The following MTERF4 variants were observed in gnomAD, a reference collection of about 807,000 sequenced individuals.
MTERF4 encodes transcription termination factor 4, mitochondrial.
MTERF4 carries 17 observed loss-of-function variants against 22.5 expected under a neutral mutation model. The observed-to-expected ratio is 0.75, with a 90% CI of 0.52 to 1.13. The LOEUF (loss-of-function observed/expected upper bound fraction) is 1.13, where lower values mean the gene tolerates loss of function less well. MTERF4 is among the 50% of genes most tolerant of loss of function. The probability of loss-of-function intolerance (pLI) is 0.00; values close to 1 mark genes in which losing one functional copy is unlikely to be tolerated. For missense variants in MTERF4, 420 were observed against 466.8 expected, an observed-to-expected ratio of 0.90 and a Z score of 0.92; for synonymous variants, 165 against 175.3, an observed-to-expected ratio of 0.94 and a Z score of 0.47.
In MTERF4 at chr2:241,073,795, A is replaced by T. The variant is rs1417994576; in HGVS notation, n.2367T>A. ...CTGGGCGAGCCCCAGCTTGAGGACT[A>T]GCTGGGCCCTGTGGACACTCAGGTT... On this transcript the variant is annotated non_coding_transcript_exon_variant, in exon 5 of 5. Coordinates refer to the MTERF4 transcript ENST00000464344. The surrounding 1 kb of genome is among the most constrained non-coding windows in gnomAD (Gnocchi z 6.6). 1.7e-5 allele frequency: 5 copies of T among 296,950 alleles called. No homozygotes were observed. Among genetic ancestry groups the T allele is most frequent in the Non-Finnish European group, 2.5e-5 (4 of 159,172 alleles). 18.4% of individuals were successfully genotyped at this position (296,950 alleles called of 1,614,324 possible).
downstream of MTERF4, chr2:241,071,701 A>T: frequency 4.6e-5 from 59 of 1,281,458 alleles, no homozygotes; most frequent in Non-Finnish European, 6.2e-5. Context: ...CGCCCCCGAG[A>T]CCCCCACCCA....
chr2:241,085,626 A>G (rs1014018332), downstream of MTERF4, among the ~76,000 whole-genome samples: 9 of 152,210 alleles, frequency 5.9e-5, no homozygotes, highest in African/African-American at 1.9e-4. Context: ...TGATTATTCA[A>G]ATGATTCTTG....
downstream of MTERF4, among the ~76,000 whole-genome samples, chr2:241,085,269 G>A (rs896826158): frequency 1.3e-5 from 2 of 152,138 alleles, no homozygotes; most frequent in South Asian, 2.1e-4. Flanking sequence ...TGTCCCACAG[G>A]TCACTGCAGC....
chr2:241,090,560 G>A, downstream of MTERF4: 1 of 1,266,354 alleles, frequency 7.9e-7, no homozygotes, highest in East Asian at 2.6e-5. Context: ...TATACACAGG[G>A]CAGTGCAGTA....
chr2:241,086,172 TG>T (rs2063564736), downstream of MTERF4, among the ~76,000 whole-genome samples: 1 of 152,194 alleles, frequency 6.6e-6, no homozygotes, highest in East Asian at 1.9e-4. Flanking sequence ...TGGCCCTGTC[TG>T]GGGTTTCTAT....
At chr2:241,048,758 G>A in the MTERF4 span, 1 of 1,609,752 alleles carries the variant, frequency 6.2e-7, no homozygotes, top group Non-Finnish European at 8.5e-7. Context: ...GGGCTTCTCT[G>A]TGAATTTGGT....
chr2:241,065,304 T>C, the MTERF4 span: 1 of 1,612,116 alleles, frequency 6.2e-7, no homozygotes, highest in East Asian at 2.2e-5. Flanking sequence ...TGAAGAGCTC[T>C]TCCCACCGAC....
At chr2:241,057,380 A>AATAT in the MTERF4 span, among the ~76,000 whole-genome samples, 5,560 of 117,806 alleles carry the variant, frequency 0.047, 189 homozygotes, top group Admixed American at 0.1. Flanking sequence ...TCCATCTCAA[A>AATAT]ATATATATAT....
downstream of MTERF4, chr2:241,095,060 G>GCCC (rs10573691): frequency 7.6e-4 from 69 of 90,382 alleles, 2 homozygotes; most frequent in South Asian, 1.5e-3. Context: ...AAGGTGACAC[G>GCCC]CCCCCCCCCC....
chr2:241,070,408 A>G (rs2062648719), downstream of MTERF4, among the ~76,000 whole-genome samples: 1 of 152,244 alleles, frequency 6.6e-6, no homozygotes, highest in Admixed American at 6.5e-5. Flanking sequence ...AGGTGGCACC[A>G]ACAACTGGAA....
the MTERF4 span, among the ~76,000 whole-genome samples, chr2:241,056,666 C>T: frequency 6.8e-6 from 1 of 146,916 alleles, no homozygotes; most frequent in Non-Finnish European, 1.5e-5. Flanking sequence ...CTGCAATCTC[C>T]GCCTCCTGGG....
chr2:241,088,663 ACT>A, downstream of MTERF4: 1 of 487,824 alleles, frequency 2.0e-6, no homozygotes, highest in Non-Finnish European at 3.6e-6. Context: ...GGCAAATCCC[ACT>A]CTCTCTCAAG....
At chr2:241,094,727 GAT>G, downstream of MTERF4, 1 of 218,482 alleles carries the variant, frequency 4.6e-6, no homozygotes, top group Non-Finnish European at 9.4e-6. This position sits in a 1 kb window ranked among gnomAD's most constrained non-coding sequence, Gnocchi z 4.3. Context: ...TGCACTGCAG[GAT>G]GTTTCACAGC....
At chr2:241,076,887 C>T (rs992970159) in intron 4 of MTERF4, among the ~76,000 whole-genome samples, 19 of 152,206 alleles carry the variant, frequency 1.2e-4, no homozygotes, top group African/African-American at 4.6e-4. Context: ...GTCAGGAGAT[C>T]GAGACCATGG....
At chr2:241,093,773 G>A (rs910670349), downstream of MTERF4, 1 of 152,362 alleles carries the variant, frequency 6.6e-6, no homozygotes, top group African/African-American at 2.4e-5. Flanking sequence ...TTCCAAAGAG[G>A]CCACCACAGC....
At chr2:241,080,784 C>G (rs547770442) in intron 4 of MTERF4, among the ~76,000 whole-genome samples, 2 of 152,332 alleles carry the variant, frequency 1.3e-5, no homozygotes, top group East Asian at 3.9e-4. Context: ...TGCTGAGGAC[C>G]AACTCGGTCT....
chr2:241,073,130 G>T lies in MTERF4; in HGVS notation n.3032C>A. ...GCAGCTCTGGGGCCGACAGGTGCTG[G>T]GGCCACGCAGGGAGCCTGGTCCCCA... On this transcript the variant is annotated non_coding_transcript_exon_variant, in exon 5 of 5. Coordinates refer to the MTERF4 transcript ENST00000464344. This position sits in a 1 kb window ranked among gnomAD's most constrained non-coding sequence, Gnocchi z 6.6. 1 of 642,050 alleles carries T rather than the reference G, an allele frequency of 1.6e-6. No individual in the cohort carries two copies. The highest frequency in any genetic ancestry group is 2.7e-6 in the Non-Finnish European group (1 of 369,558). The allele number at this position is 642,050 out of a possible 1,614,324, so 39.8% of individuals were successfully genotyped here. A position where few individuals can be genotyped will look rare whatever the true frequency, so the allele number is the denominator to read the frequency against.
chr2:241,089,913 G>C (rs921091637), downstream of MTERF4: 1 of 1,529,258 alleles, frequency 6.5e-7, no homozygotes, highest in Non-Finnish European at 8.8e-7. Context: ...ACAGTGCCAA[G>C]TGTGTGTGTA....
chr2:241,045,349 AAT>A, the MTERF4 span, among the ~76,000 whole-genome samples: 10 of 152,182 alleles, frequency 6.6e-5, no homozygotes, highest in African/African-American at 2.4e-4. Flanking sequence ...AAACCAAAAC[AAT>A]TTTGATGAAG....
Sources: gnomAD v4.1 joint callset for allele counts (sites outside exome capture counted in the v4.1 genomes callset) on GRCh38, gnomAD v4.1.1 for gene constraint, Gnocchi (gnomAD v3.1) non-coding constraint, MANE v1.5 for transcripts, NCBI Gene and HGNC (gene_info 2026-07-23, HGNC 2026-07-21) for gene names.